The following KCNIP4 variants were observed in gnomAD, a reference collection of about 807,000 sequenced individuals.
The protein encoded by KCNIP4 is Kv channel-interacting protein 4.
A neutral mutation model predicts 34.0 loss-of-function variants in KCNIP4; 12 were observed. The observed-to-expected ratio is 0.35, with a 90% CI of 0.23 to 0.57. The LOEUF (loss-of-function observed/expected upper bound fraction) is 0.57, where lower values mean the gene tolerates loss of function less well. Among genes scored for constraint, KCNIP4 ranks in the 20% least tolerant of loss-of-function variants. The probability of loss-of-function intolerance (pLI) is 0.83; values close to 1 mark genes in which losing one functional copy is unlikely to be tolerated. For missense variants in KCNIP4, 238 were observed against 311.7 expected (o/e 0.76, Z 1.78); for synonymous variants, 124 against 102.2 (o/e 1.21, Z -1.29).
At chr4:20,779,575 A>AT (rs1560459276) in intron 3 of KCNIP4, among the ~76,000 whole-genome samples, 1 of 16,958 alleles carries the variant, frequency 5.9e-5, no homozygotes, top group Non-Finnish European at 1.3e-4. Flanking sequence ...CCTGCCCCAC[A>AT]ACCCCCCCCC....
At chr4:21,296,547 G>A (rs762479308) in intron 1 of KCNIP4, among the ~76,000 whole-genome samples, 1 of 151,538 alleles carries the variant, frequency 6.6e-6, no homozygotes, top group Non-Finnish European at 1.5e-5. Flanking sequence ...AGAGGGAGGT[G>A]CTATGATTAT....
chr4:21,924,495 C>CG (rs1729123749), intron 1 of KCNIP4, among the ~76,000 whole-genome samples: 1 of 152,036 alleles, frequency 6.6e-6, no homozygotes, highest in African/African-American at 2.4e-5. Context: ...CTGTCCGTCT[C>CG]GGCCTCCCAA....
intron 1 of KCNIP4, among the ~76,000 whole-genome samples, chr4:20,898,277 A>T (rs376066602): frequency 6.6e-6 from 1 of 152,104 alleles, no homozygotes; most frequent in Non-Finnish European, 1.5e-5. Flanking sequence ...CATGTGAGCC[A>T]ATTCCCATAA....
At chr4:21,604,436 G>C (rs1320988429) in intron 1 of KCNIP4, among the ~76,000 whole-genome samples, 1 of 152,156 alleles carries the variant, frequency 6.6e-6, no homozygotes, top group African/African-American at 2.4e-5. Flanking sequence ...ACCTAGGGTT[G>C]TGTGATTTCA....
At chr4:21,450,951 G>A (rs1241911809) in intron 1 of KCNIP4, among the ~76,000 whole-genome samples, 4 of 152,098 alleles carry the variant, frequency 2.6e-5, no homozygotes, top group African/African-American at 9.7e-5. Flanking sequence ...GCAATTATGA[G>A]AATTGAGGGC....
intron 1 of KCNIP4, among the ~76,000 whole-genome samples, chr4:21,169,488 C>T (rs988917945): frequency 2.0e-5 from 3 of 151,912 alleles, no homozygotes; most frequent in Non-Finnish European, 4.4e-5. Flanking sequence ...TACTTAAGCA[C>T]TTAATAGTGT....
intron 1 of KCNIP4, among the ~76,000 whole-genome samples, chr4:21,508,066 A>G (rs939846171): frequency 6.6e-6 from 1 of 152,190 alleles, no homozygotes; most frequent in East Asian, 1.9e-4. Flanking sequence ...CTCTTGAACA[A>G]TACTTCACAC....
intron 1 of KCNIP4, among the ~76,000 whole-genome samples, chr4:21,178,679 A>G (rs891160862): frequency 1.3e-5 from 2 of 151,984 alleles, no homozygotes; most frequent in Non-Finnish European, 2.9e-5. Context: ...GCCTATTCTA[A>G]GTGTTTGCTT....
At chr4:21,383,247 C>CACACAG (rs1308727634) in intron 1 of KCNIP4, among the ~76,000 whole-genome samples, 1 of 152,058 alleles carries the variant, frequency 6.6e-6, no homozygotes, top group Non-Finnish European at 1.5e-5. Context: ...GTGTTTATGC[C>CACACAG]ACACAGTCTG....
intron 1 of KCNIP4, among the ~76,000 whole-genome samples, chr4:21,052,166 A>G (rs1443036949): frequency 6.6e-6 from 1 of 152,126 alleles, no homozygotes; most frequent in East Asian, 1.9e-4. Flanking sequence ...TGATTCTAGC[A>G]TTTTAGATAA....
chr4:21,740,929 A>G (rs975603031), intron 1 of KCNIP4, among the ~76,000 whole-genome samples: 1 of 152,214 alleles, frequency 6.6e-6, no homozygotes, highest in Admixed American at 6.5e-5. Flanking sequence ...CATTTTACTC[A>G]GAAAATGTGC....
At chr4:21,073,940 T>C (rs566812633) in intron 1 of KCNIP4, among the ~76,000 whole-genome samples, 171 of 152,310 alleles carry the variant, frequency 1.1e-3, no homozygotes, top group African/African-American at 4.0e-3. Flanking sequence ...GGATTACGTT[T>C]ATTGATTTGT....
intron 1 of KCNIP4, among the ~76,000 whole-genome samples, chr4:21,250,120 CT>C (rs1553846387): frequency 1.6e-3 from 236 of 143,208 alleles, no homozygotes; most frequent in Admixed American, 1.9e-3. Flanking sequence ...TCATTTCTTT[CT>C]TTTTTTTTTT....
intron 1 of KCNIP4, among the ~76,000 whole-genome samples, chr4:21,476,341 G>A (rs367934215): frequency 1.5e-4 from 23 of 152,250 alleles, no homozygotes; most frequent in East Asian, 3.9e-4. Context: ...TGTTGAAGCC[G>A]TAACCTCCAA....
chr4:21,192,566 T>C (rs1755730457), intron 1 of KCNIP4, among the ~76,000 whole-genome samples: 1 of 152,172 alleles, frequency 6.6e-6, no homozygotes, highest in Admixed American at 6.5e-5. Context: ...TTCAGCCGTA[T>C]AATGTCAGGC....
chr4:21,741,962 T>A (rs1234036794), intron 1 of KCNIP4, among the ~76,000 whole-genome samples: 11 of 152,034 alleles, frequency 7.2e-5, no homozygotes, highest in Admixed American at 6.6e-4. Context: ...GCTTGAACCC[T>A]GGAGTCAGAG....
intron 1 of KCNIP4, among the ~76,000 whole-genome samples, chr4:21,104,244 C>T (rs1480085985): frequency 2.0e-5 from 3 of 151,912 alleles, no homozygotes; most frequent in East Asian, 3.9e-4. Context: ...TCCACATCCT[C>T]TCCAGCACCT....
intron 1 of KCNIP4, among the ~76,000 whole-genome samples, chr4:21,567,459 A>G (rs967368650): frequency 1.3e-5 from 2 of 152,004 alleles, no homozygotes; most frequent in African/African-American, 4.8e-5. Context: ...AAAGGCCAGA[A>G]CTCATGAATA....
intron 1 of KCNIP4, among the ~76,000 whole-genome samples, chr4:21,226,199 G>A (rs1333372612): frequency 1.4e-5 from 2 of 138,368 alleles, no homozygotes; most frequent in African/African-American, 2.7e-5. Context: ...ATTGTTTGAG[G>A]GCAGGAAGTC....
Sources: allele counts gnomAD v4.1 joint callset (sites outside exome capture counted in the v4.1 genomes callset), GRCh38; gene constraint gnomAD v4.1.1; transcripts MANE v1.5; gene names NCBI Gene and HGNC (gene_info 2026-07-23, HGNC 2026-07-21).